PBX1: variants seen among roughly 807,000 people sequenced by gnomAD.
PBX1 encodes PBX homeobox 1, also known as pre-B-cell leukemia transcription factor 1.
A neutral mutation model predicts 53.4 loss-of-function variants in PBX1; 6 were observed. The observed-to-expected ratio is 0.11, with a 90% CI of 0.06 to 0.22. The LOEUF (loss-of-function observed/expected upper bound fraction) is 0.22. PBX1 is among the 10% of genes least tolerant of loss of function. PBX1 has a pLI of 1.00. For missense variants in PBX1, 251 were observed against 551.4 expected, an observed-to-expected ratio of 0.46 and a Z score of 5.46; for synonymous variants, 204 against 212.3, an observed-to-expected ratio of 0.96 and a Z score of 0.34.
chr1:164,584,363 A>G (rs112771815), intron 2 of PBX1, among the ~76,000 whole-genome samples: 22 of 147,914 alleles, frequency 1.5e-4, no homozygotes, highest in Non-Finnish European at 2.4e-4. Flanking sequence ...GAGAGAGAGA[A>G]AGAGAGAGAG....
intron 8 of PBX1, among the ~76,000 whole-genome samples, chr1:164,844,851 T>C (rs1327903063): frequency 1.3e-5 from 2 of 152,224 alleles, no homozygotes; most frequent in African/African-American, 4.8e-5. Flanking sequence ...CTTTCTGTTA[T>C]GAAAGAAAGA....
intron 2 of PBX1, among the ~76,000 whole-genome samples, chr1:164,624,114 C>G (rs1657879044): frequency 6.6e-6 from 1 of 152,172 alleles, no homozygotes; most frequent in Admixed American, 6.5e-5. Flanking sequence ...ACAGGGCTAA[C>G]TGTATCTGAA....
chr1:164,786,540 A>G (rs1668184374), intron 2 of PBX1, among the ~76,000 whole-genome samples: 1 of 152,202 alleles, frequency 6.6e-6, no homozygotes, highest in Admixed American at 6.5e-5. Flanking sequence ...ATGATGGTGG[A>G]AAGAGGTAAT....
rs571264731 is a variant in PBX1, at chr1:164,864,004, G to A, written n.257+32521G>A. ...GTGTTTAAAAGCAGGGATAATAAGAGGAATAGTCCCCATGTTCTTCCCTCG... is the reference window on the plus strand; with the variant it reads ...GTGTTTAAAAGCAGGGATAATAAGAAGAATAGTCCCCATGTTCTTCCCTCG... On this transcript the variant is annotated intron_variant and non_coding_transcript_variant, in intron 2 of 2. Transcript: ENST00000558796. 4.6e-5 allele frequency among the ~76,000 whole-genome samples: 7 copies of A among 152,280 alleles called. No individual in the cohort carries two copies. The East Asian group carries it at 1.4e-3, about 29-fold the overall frequency.
At chr1:164,827,364 GC>G in intron 8 of PBX1, among the ~76,000 whole-genome samples, 1 of 152,246 alleles carries the variant, frequency 6.6e-6, no homozygotes, top group South Asian at 2.1e-4. Flanking sequence ...ACCCAGATGT[GC>G]CCCCCAGTTG....
intron 2 of PBX1, among the ~76,000 whole-genome samples, chr1:164,678,345 C>T (rs1661558446): frequency 6.6e-6 from 1 of 152,192 alleles, no homozygotes; most frequent in African/African-American, 2.4e-5. Context: ...GTATCACAGC[C>T]AGCATAGAAG....
intron 2 of PBX1, among the ~76,000 whole-genome samples, chr1:164,764,278 T>G (rs1430541014): frequency 6.6e-6 from 1 of 152,198 alleles, no homozygotes; most frequent in Non-Finnish European, 1.5e-5. Flanking sequence ...TAGCTATCTT[T>G]GATTTATTTG....
intron 8 of PBX1, among the ~76,000 whole-genome samples, chr1:164,832,860 G>C (rs1478885757): frequency 3.3e-5 from 5 of 151,994 alleles, no homozygotes; most frequent in African/African-American, 1.2e-4. Flanking sequence ...AATAAGCTAG[G>C]ATGAGTAGTT....
intron 4 of PBX1, among the ~76,000 whole-genome samples, chr1:164,802,627 G>T (rs1410504117): frequency 6.6e-6 from 1 of 152,140 alleles, no homozygotes; most frequent in East Asian, 1.9e-4. Context: ...GTACACCAGG[G>T]TCTAGAGTTT....
chr1:164,633,652 A>T (rs1658558454), intron 2 of PBX1, among the ~76,000 whole-genome samples: 1 of 152,208 alleles, frequency 6.6e-6, no homozygotes, highest in African/African-American at 2.4e-5. Context: ...GGAAAAGTGT[A>T]ATGTAGTGGT....
In PBX1 at chr1:164,849,656, T is replaced by A; in HGVS notation, c.*2980T>A. The A allele has an allele frequency of 2.3e-6, 1 of 440,446 alleles. No homozygotes were observed. Among genetic ancestry groups the A allele is most frequent in the Non-Finnish European group, 4.0e-6 (1 of 250,034 alleles). The allele number at this position is 440,446 out of a possible 1,614,324, so 27.3% of individuals were successfully genotyped here. The stretch of plus-strand genomic sequence containing the variant: ...CTTGTAACTCTTCCTTATCTCCTCC[T>A]TTTCATCCCTAATCCATCCTCCCTC... On this transcript the variant is annotated 3_prime_UTR_variant, in exon 9 of 9. Transcript: ENST00000420696.
intron 2 of PBX1, among the ~76,000 whole-genome samples, chr1:164,678,269 T>C (rs1037004549): frequency 6.6e-6 from 1 of 152,176 alleles, no homozygotes; most frequent in African/African-American, 2.4e-5. Flanking sequence ...GCTCCTGAGC[T>C]CTGCATTCCT....
chr1:164,809,861 A>G (rs1669523631), intron 5 of PBX1, among the ~76,000 whole-genome samples: 1 of 152,188 alleles, frequency 6.6e-6, no homozygotes, highest in Non-Finnish European at 1.5e-5. Context: ...TGATCCACAG[A>G]ATGCAGCATC....
chr1:164,756,925 C>T (rs1480584279), intron 2 of PBX1, among the ~76,000 whole-genome samples: 5 of 152,166 alleles, frequency 3.3e-5, no homozygotes, highest in African/African-American at 1.2e-4. Context: ...ATTTATGAAG[C>T]AACTCATTAA....
chr1:164,831,849 T>C (rs1412918665), intron 8 of PBX1, among the ~76,000 whole-genome samples: 2 of 152,140 alleles, frequency 1.3e-5, no homozygotes, highest in Non-Finnish European at 2.9e-5. Context: ...GCACCTCCTA[T>C]CCTCAGTCCC....
At chr1:164,726,666 A>C (rs1299428316) in intron 2 of PBX1, among the ~76,000 whole-genome samples, 1 of 152,222 alleles carries the variant, frequency 6.6e-6, no homozygotes, top group Non-Finnish European at 1.5e-5. Flanking sequence ...GGTCTTTAGA[A>C]AGTCTTCTGG....
chr1:164,618,299 G>GT (rs996375780), intron 2 of PBX1, among the ~76,000 whole-genome samples: 9 of 19,078 alleles, frequency 4.7e-4, no homozygotes, highest in South Asian at 1.9e-3. Context: ...AATCACGGCG[G>GT]GGGGGGGGGG....
At chr1:164,803,735 G>A (rs1489853291) in intron 4 of PBX1, among the ~76,000 whole-genome samples, 5 of 152,214 alleles carry the variant, frequency 3.3e-5, no homozygotes, top group African/African-American at 1.2e-4. Context: ...TACCAGTGAA[G>A]ATTTTGAATT....
rs1305014777 is a variant in PBX1, at chr1:164,640,567, T to G, written c.265+77256T>G. Among the ~76,000 whole-genome samples, 3 of 150,258 alleles carry G rather than the reference T, an allele frequency of 2.0e-5. 1 individual carries two copies. The highest frequency in any genetic ancestry group is 7.3e-5 in the African/African-American group (3 of 40,822). On this transcript the variant is annotated intron_variant, in intron 2 of 8. Transcript: ENST00000420696. ...GGTGTTTTTTTTTTGTGTTTTTTTT[T>G]TTTTTTTTAGACGAAATTTTGCTCT...
Sources: allele counts gnomAD v4.1 joint callset (sites outside exome capture counted in the v4.1 genomes callset), GRCh38; gene constraint gnomAD v4.1.1; transcripts MANE v1.5; gene names NCBI Gene and HGNC (gene_info 2026-07-23, HGNC 2026-07-21).